PRDM10: variants seen among roughly 807,000 people sequenced by gnomAD.
The protein encoded by PRDM10 is PR/SET domain 10, also known as PR domain zinc finger protein 10.
A neutral mutation model predicts 133.1 loss-of-function variants in PRDM10; 65 were observed. The observed-to-expected ratio is 0.49, with a 90% CI of 0.40 to 0.60. The LOEUF (loss-of-function observed/expected upper bound fraction) is 0.60, where lower values mean the gene tolerates loss of function less well. PRDM10 is among the 20% of genes least tolerant of loss of function. PRDM10 has a pLI of 0.00. For synonymous variants in PRDM10, 582 were observed against 580.4 expected, an observed-to-expected ratio of 1.00 and a Z score of -0.04; for missense variants, 1,137 against 1,507.1, an observed-to-expected ratio of 0.75 and a Z score of 4.07.
chr11:129,962,538 C>T (rs1224989270), intron 1 of PRDM10, among the ~76,000 whole-genome samples: 1 of 152,178 alleles, frequency 6.6e-6, no homozygotes, highest in Non-Finnish European at 1.5e-5. Flanking sequence ...AAGAATGCCA[C>T]GTCCACCAAC....
chr11:129,941,899 T>A (rs928774042), intron 7 of PRDM10, among the ~76,000 whole-genome samples: 2 of 152,164 alleles, frequency 1.3e-5, no homozygotes, highest in African/African-American at 4.8e-5. Flanking sequence ...CCATCATAGG[T>A]AGAGGAGCAT....
At chr11:129,937,511 C>CAA in intron 8 of PRDM10, 87 bp downstream of exon 8, 49 of 1,096,242 alleles carry the variant, frequency 4.5e-5, no homozygotes, top group Admixed American at 5.7e-5. Flanking sequence ...TATACTGAGA[C>CAA]AAAAAAAAAA....
intron 4 of PRDM10, among the ~76,000 whole-genome samples, chr11:129,951,622 T>C (rs949162396): frequency 2.0e-5 from 3 of 152,220 alleles, no homozygotes; most frequent in Admixed American, 6.5e-5. Flanking sequence ...TGAAAGGACA[T>C]AATGCATTTC....
chr11:129,916,221 T>C (rs987445418), intron 15 of PRDM10, among the ~76,000 whole-genome samples: 1 of 152,230 alleles, frequency 6.6e-6, no homozygotes, highest in African/African-American at 2.4e-5. Context: ...AAAGCTCTCA[T>C]ATGATGTACG....
intron 1 of PRDM10, among the ~76,000 whole-genome samples, chr11:129,993,719 C>T (rs1321351410): frequency 6.6e-6 from 1 of 152,100 alleles, no homozygotes; most frequent in Non-Finnish European, 1.5e-5. Context: ...CTCCTGACCT[C>T]GTGATCCACC....
chr11:129,938,630 C>G lies in PRDM10; in HGVS notation c.967-960G>C, dbSNP rs1054869599. 1.6e-4 allele frequency among the ~76,000 whole-genome samples: 24 copies of G among 152,282 alleles called. No individual in the cohort carries two copies. In the East Asian group the frequency reaches 4.6e-3, roughly 29 times the overall value. ...TTTACACAGTAGCCAGAGTGGTCTCCTCAAATCCCAGTTACCCCAGTTGGA... is the reference window on the plus strand; with the variant it reads ...TTTACACAGTAGCCAGAGTGGTCTCGTCAAATCCCAGTTACCCCAGTTGGA... On this transcript the variant is annotated intron_variant, in intron 7 of 20. Coordinates refer to ENST00000360871, the MANE Select transcript of PRDM10 (RefSeq NM_199437.2).
intron 11 of PRDM10, 46 bp downstream of exon 11, chr11:129,930,970 G>A (rs1950833644): frequency 4.5e-6 from 7 of 1,556,232 alleles, no homozygotes; most frequent in Non-Finnish European, 6.1e-6. Flanking sequence ...GTGGTGGGAG[G>A]AAGATGAGCG....
intron 5 of PRDM10, among the ~76,000 whole-genome samples, chr11:129,946,884 C>T (rs1951430871): frequency 6.6e-6 from 1 of 152,072 alleles, no homozygotes; most frequent in African/African-American, 2.4e-5. Context: ...TGCCTGATGC[C>T]CCTTCGTCCC....
chr11:129,970,613 C>T (rs543166635), intron 1 of PRDM10, among the ~76,000 whole-genome samples: 27 of 151,346 alleles, frequency 1.8e-4, no homozygotes, highest in African/African-American at 6.3e-4. Context: ...GGCACGATCT[C>T]AGCTCACTGC....
chr11:129,929,620 C>T (rs995644893), intron 11 of PRDM10, among the ~76,000 whole-genome samples: 10 of 152,078 alleles, frequency 6.6e-5, no homozygotes, highest in Non-Finnish European at 1.0e-4. Flanking sequence ...ATATGGCTTT[C>T]GCTTTGACAC....
intron 4 of PRDM10, 69 bp downstream of exon 4, chr11:129,955,443 G>A: frequency 6.8e-7 from 1 of 1,467,712 alleles, no homozygotes; most frequent in Non-Finnish European, 9.5e-7. Context: ...CAGTGCAAAG[G>A]GATGGGGCAT....
In PRDM10 at chr11:129,947,373, G is replaced by A; in HGVS notation, c.295-3C>T. 1.2e-6 allele frequency: 2 copies of A among 1,614,180 alleles called. No homozygotes were observed. Among genetic ancestry groups the A allele is most frequent in the South Asian group, 1.1e-5 (1 of 91,080 alleles). On this transcript the variant is annotated splice_region_variant and splice_polypyrimidine_tract_variant and intron_variant, in intron 4 of 20. Coordinates refer to ENST00000360871, the MANE Select transcript of PRDM10 (RefSeq NM_199437.2). The surrounding 1 kb of genome is among the most constrained non-coding windows in gnomAD (Gnocchi z 4.6). ...TGGTTATGAACTGGCAATGAGGCCT[G>A]GGCAAAAGTTGAAGGCACAGAGTAA... is the stretch of plus-strand genomic sequence containing the variant.
intron 4 of PRDM10, among the ~76,000 whole-genome samples, chr11:129,954,745 T>A (rs1021651961): frequency 2.6e-5 from 4 of 152,224 alleles, no homozygotes. Flanking sequence ...CAATCAAAGC[T>A]CACTGCAGCC....
chr11:129,951,599 C>T (rs1397970759), intron 4 of PRDM10, among the ~76,000 whole-genome samples: 1 of 152,218 alleles, frequency 6.6e-6, no homozygotes, highest in African/African-American at 2.4e-5. Context: ...ATACCACTCT[C>T]TGTAATTATT....
chr11:129,975,941 T>C (rs1465046268), intron 1 of PRDM10, among the ~76,000 whole-genome samples: 1 of 152,192 alleles, frequency 6.6e-6, no homozygotes, highest in Non-Finnish European at 1.5e-5. Flanking sequence ...TGTATTTAGT[T>C]GTACTAGAGG....
chr11:129,983,069 C>G (rs983748805), intron 1 of PRDM10, among the ~76,000 whole-genome samples: 1 of 152,010 alleles, frequency 6.6e-6, no homozygotes, highest in Admixed American at 6.5e-5. Flanking sequence ...CTCCGCCCCC[C>G]AGGTTCAAGT....
chr11:129,969,640 A>C (rs1232217246), intron 1 of PRDM10, among the ~76,000 whole-genome samples: 2 of 99,330 alleles, frequency 2.0e-5, no homozygotes, highest in Admixed American at 2.2e-4. Context: ...CTAGAAATAC[A>C]AAAAAAAAAA....
chr11:129,978,356 G>A (rs1363317173), intron 1 of PRDM10, among the ~76,000 whole-genome samples: 1 of 152,182 alleles, frequency 6.6e-6, no homozygotes, highest in Non-Finnish European at 1.5e-5. Flanking sequence ...GTGAGCAATG[G>A]CAGATACATT....
chr11:129,941,331 T>C (rs1328543650), intron 7 of PRDM10, among the ~76,000 whole-genome samples: 1 of 152,246 alleles, frequency 6.6e-6, no homozygotes, highest in Non-Finnish European at 1.5e-5. Context: ...TTTAGAATCA[T>C]AGCAAAATTT....
Sources: allele counts gnomAD v4.1 joint callset (sites outside exome capture counted in the v4.1 genomes callset), GRCh38; gene constraint gnomAD v4.1.1; non-coding constraint Gnocchi (gnomAD v3.1); transcripts MANE v1.5; gene names NCBI Gene and HGNC (gene_info 2026-07-23, HGNC 2026-07-21).